The following LPP variants were observed in gnomAD, a reference collection of about 807,000 sequenced individuals.
The protein encoded by LPP is LIM domain containing preferred translocation partner in lipoma.
In LPP, 38 loss-of-function variants were observed where a neutral mutation model predicts 60.4. That is an observed-to-expected ratio of 0.63 (90% CI 0.49 to 0.83). The LOEUF (loss-of-function observed/expected upper bound fraction) is 0.83, where lower values mean the gene tolerates loss of function less well. Among genes scored for constraint, LPP ranks in the 40% least tolerant of loss-of-function variants. The probability of loss-of-function intolerance (pLI) is 0.00; values close to 1 mark genes in which losing one functional copy is unlikely to be tolerated. For synonymous variants in LPP, 328 were observed against 290.8 expected (o/e 1.13, Z -1.30); for missense variants, 902 against 783.6 (o/e 1.15, Z -1.80).
At chr3:188,812,630 T>C (rs1751320039) in intron 9 of LPP, among the ~76,000 whole-genome samples, 1 of 152,176 alleles carries the variant, frequency 6.6e-6, no homozygotes, top group African/African-American at 2.4e-5. Context: ...TGTTCACTGA[T>C]GGGGTAAATT....
intron 9 of LPP, among the ~76,000 whole-genome samples, chr3:188,865,674 C>A (rs1250836378): frequency 4.7e-5 from 6 of 128,266 alleles, no homozygotes; most frequent in Non-Finnish European, 9.7e-5. Flanking sequence ...CAAATCCAGC[C>A]CATTGTCTGT....
intron 3 of LPP, among the ~76,000 whole-genome samples, chr3:188,348,404 T>G (rs1180202523): frequency 1.1e-4 from 16 of 152,098 alleles, no homozygotes; most frequent in Admixed American, 1.0e-3. Flanking sequence ...TGCCTCAGCC[T>G]CCCAAATTGC....
At chr3:188,452,892 G>C (rs576563759) in intron 4 of LPP, among the ~76,000 whole-genome samples, 35 of 151,978 alleles carry the variant, frequency 2.3e-4, no homozygotes, top group African/African-American at 8.4e-4. Flanking sequence ...TCTCTTTCTC[G>C]TACTATTTTG....
At chr3:188,647,490 A>G (rs4686991) in intron 7 of LPP, among the ~76,000 whole-genome samples, 13,768 of 152,208 alleles carry the variant, frequency 0.09, 861 homozygotes, top group Admixed American at 0.19. Context: ...TAGCGTGTTT[A>G]TACCTCAGGA....
chr3:188,649,861 C>T (rs956582548), intron 7 of LPP, among the ~76,000 whole-genome samples: 1 of 152,038 alleles, frequency 6.6e-6, no homozygotes, highest in East Asian at 1.9e-4. Flanking sequence ...AACAAGGAAC[C>T]AAGGAAGCAC....
At chr3:188,495,064 T>TTATATATATATATATA (rs1192152538) in intron 5 of LPP, among the ~76,000 whole-genome samples, 16,995 of 53,704 alleles carry the variant, frequency 0.32, 4,038 homozygotes, top group Middle Eastern at 0.41. Flanking sequence ...GTTCAGGATT[T>TTATATATATATATATA]TATATATATA....
At chr3:188,592,553 T>TTTTTTTTTTTTTGTTG (rs1553936328) in intron 6 of LPP, among the ~76,000 whole-genome samples, 5,457 of 120,434 alleles carry the variant, frequency 0.045, 713 homozygotes, top group East Asian at 0.11. Flanking sequence ...TTAGTTTTGT[T>TTTTTTTTTTTTTGTTG]TTTGTTTTTT....
At chr3:188,364,144 T>C (rs1770404090) in intron 3 of LPP, among the ~76,000 whole-genome samples, 2 of 152,178 alleles carry the variant, frequency 1.3e-5, no homozygotes, top group South Asian at 4.1e-4. Context: ...GGATTCAGAG[T>C]TATTACCAAA....
chr3:188,470,032 C>T (rs1801424700), intron 4 of LPP, among the ~76,000 whole-genome samples: 1 of 152,044 alleles, frequency 6.6e-6, no homozygotes, highest in African/African-American at 2.4e-5. Flanking sequence ...AAGGTAAGTG[C>T]TGTTGCTCTC....
chr3:188,553,988 G>A (rs1828846713), intron 6 of LPP: 1 of 152,188 alleles, frequency 6.6e-6, no homozygotes, highest in African/African-American at 2.4e-5. Context: ...ATTGCAGGCT[G>A]GGGGATAAAA....
rs13094246 is a variant in LPP, at chr3:188,226,267, C to G, written c.-67+740C>G. On this transcript the variant is annotated intron_variant, in intron 2 of 11. Coordinates refer to ENST00000617246, the MANE Select transcript of LPP (RefSeq NM_001375462.1). Reference sequence around the variant, plus strand: ...CAGGTAATCCACCCGCCTCAGCCTCCCAAATTGCTGGGATTATAGGTGTGA... The same window carrying G: ...CAGGTAATCCACCCGCCTCAGCCTCGCAAATTGCTGGGATTATAGGTGTGA... Among the ~76,000 whole-genome samples the G allele has an allele frequency of 9.0e-3, 1,368 of 152,242 alleles. 12 individuals are homozygous for G. The highest frequency in any genetic ancestry group is 0.011 in the Non-Finnish European group (730 of 68,008).
chr3:188,484,154 C>T (rs1031691265), intron 4 of LPP, among the ~76,000 whole-genome samples: 8 of 152,154 alleles, frequency 5.3e-5, no homozygotes, highest in Non-Finnish European at 8.8e-5. Flanking sequence ...ACTGAGACTT[C>T]CATGATCCTC....
At position 188,428,597 on chromosome 3, in the gene LPP, T is replaced by TATATA. The variant is rs1553895830; in HGVS notation, c.193+22284_193+22285insATATA. On this transcript the variant is annotated intron_variant, in intron 4 of 11. Transcript: ENST00000617246. ...GATGGGCACTATATATATATATATA[T>TATATA]TTTTTTTTTTTAACACTATCCATTT... Among the ~76,000 whole-genome samples, 1,016 of 109,310 alleles carry TATATA rather than the reference T, an allele frequency of 9.3e-3. 14 individuals carry two copies. Among genetic ancestry groups the TATATA allele is most frequent in the African/African-American group, 0.029 (959 of 32,876 alleles). The allele number at this position is 109,310 out of a possible 152,430, so 71.7% of individuals were successfully genotyped here.
intron 1 of LPP, among the ~76,000 whole-genome samples, chr3:188,188,359 A>T (rs1277443963): frequency 6.6e-6 from 1 of 152,196 alleles, no homozygotes; most frequent in African/African-American, 2.4e-5. Flanking sequence ...ATTGGGACTT[A>T]TTGCAAAGTT....
chr3:188,826,565 C>G (rs1483646936), intron 9 of LPP, among the ~76,000 whole-genome samples: 3 of 152,146 alleles, frequency 2.0e-5, no homozygotes, highest in African/African-American at 7.2e-5. Context: ...GTTCCTCTAA[C>G]TCCCTTCATC....
chr3:188,616,335 A>G (rs1476067353), intron 7 of LPP, among the ~76,000 whole-genome samples: 1 of 152,206 alleles, frequency 6.6e-6, no homozygotes, highest in Non-Finnish European at 1.5e-5. Context: ...CCATTTATTG[A>G]GTAGGAAATC....
At chr3:188,467,438 C>G (rs936969021) in intron 4 of LPP, among the ~76,000 whole-genome samples, 1 of 152,068 alleles carries the variant, frequency 6.6e-6, no homozygotes, top group Non-Finnish European at 1.5e-5. Flanking sequence ...GAGTCTAGCA[C>G]TATGTGCAGA....
chr3:188,276,691 C>CTCTT lies in LPP; in HGVS notation c.-67+51168_-67+51171dup, dbSNP rs1317976390. On this transcript the variant is annotated intron_variant, in intron 2 of 11. Transcript: ENST00000617246. The stretch of plus-strand genomic sequence containing the variant: ...TCTGTCTCTCTCTCTCTCTCTCTCT[C>CTCTT]TCTTTCTCTCTCTCTCTCTCTCTCT... Among the ~76,000 whole-genome samples the CTCTT allele has an allele frequency of 2.0e-4, 3 of 14,872 alleles. No homozygotes were observed. The South Asian group carries it at 4.8e-3, about 24-fold the overall frequency. 9.8% of individuals were successfully genotyped at this position (14,872 alleles called of 152,430 possible).
chr3:188,640,741 A>G (rs184882238), intron 7 of LPP, among the ~76,000 whole-genome samples: 1 of 151,994 alleles, frequency 6.6e-6, no homozygotes, highest in East Asian at 1.9e-4. Flanking sequence ...AAACTTGAAT[A>G]TATCAGAATG....
Sources: allele counts gnomAD v4.1 joint callset (sites outside exome capture counted in the v4.1 genomes callset), GRCh38; gene constraint gnomAD v4.1.1; transcripts MANE v1.5; gene names NCBI Gene and HGNC (gene_info 2026-07-23, HGNC 2026-07-21).